DRC7: variants seen among roughly 807,000 people sequenced by gnomAD.
DRC7 encodes dynein regulatory complex subunit 7.
A neutral mutation model predicts 104.4 loss-of-function variants in DRC7; 80 were observed. The ratio of observed to expected loss-of-function variants is 0.77; its 90% confidence interval spans 0.64 to 0.92. The LOEUF (loss-of-function observed/expected upper bound fraction) is 0.92. DRC7 is among the 40% of genes least tolerant of loss of function. The pLI is 0.00. For synonymous variants in DRC7, 405 were observed against 447.3 expected (o/e 0.91, Z 1.19); for missense variants, 1,034 against 1,141.1 (o/e 0.91, Z 1.35).
At chr16:57,705,066 A>C (rs766397703) in intron 7 of DRC7, 32 bp downstream of exon 7, 8 of 1,603,148 alleles carry the variant, frequency 5.0e-6, no homozygotes, top group Non-Finnish European at 6.0e-6. Context: ...CCCTGGGCTC[A>C]GCTATCGAGA....
intron 13 of DRC7, 132 bp from the exon 14 acceptor site, chr16:57,725,936 T>C (rs2048957141): frequency 4.1e-6 from 3 of 732,468 alleles, no homozygotes; most frequent in African/African-American, 1.7e-5. Flanking sequence ...GAGGGGCTAT[T>C]CCACGTGAAT....
Position 57,728,499 on chromosome 16 carries a change from C to T in DRC7, c.2306C>T (p.Ala769Val), listed in dbSNP as rs373693140. The T allele has an allele frequency of 1.7e-4, 266 of 1,612,100 alleles. 1 individual carries two copies. Among genetic ancestry groups the T allele is most frequent in the South Asian group, 1.1e-3 (100 of 90,940 alleles). Reference protein sequence around the residue: ...PPGEKLTCWQAVRLKDECLSD... With the variant: ...PPGEKLTCWQVVRLKDECLSD... ...GGAGAGAAACTAACATGCTGGCAGG[C>T]GGTGCGCCTCAAGGATGAGTGCCTC... is the stretch of plus-strand genomic sequence containing the variant. Residue 769 changes from alanine to valine, a missense_variant, in exon 17 of 19, where the codon GCG becomes GTG. Physicochemically the swap from Ala to Val is moderately conservative, Grantham distance 64 (BLOSUM62 0). Coordinates refer to ENST00000360716, the MANE Select transcript of DRC7 (RefSeq NM_001289162.2).
chr16:57,723,214 G>A, intron 12 of DRC7, 84 bp downstream of exon 12: 2 of 1,507,986 alleles, frequency 1.3e-6, no homozygotes. Flanking sequence ...TGTGGTGGCA[G>A]GAACCAGCAT....
chr16:57,720,309 C>T (rs2048889411), intron 9 of DRC7, among the ~76,000 whole-genome samples: 1 of 152,218 alleles, frequency 6.6e-6, no homozygotes, highest in Non-Finnish European at 1.5e-5. Flanking sequence ...TCTGTTCTAC[C>T]TCCTGGGGCT....
In DRC7 at chr16:57,727,338, G is replaced by A. The variant is rs749102777; in HGVS notation, c.2125G>A (p.Ala709Thr). 6.2e-6 allele frequency: 10 copies of A among 1,613,452 alleles called. No homozygotes were observed. Among genetic ancestry groups the A allele is most frequent in the Non-Finnish European group, 8.5e-6 (10 of 1,179,910 alleles). Residue 709 changes from alanine (A) to threonine (T), a missense_variant, in exon 16 of 19, where the codon GCG becomes ACG. By Grantham distance (58) the Ala-to-Thr change is moderately conservative (BLOSUM62 0). Coordinates refer to ENST00000360716, the MANE Select transcript of DRC7 (RefSeq NM_001289162.2). Reference protein sequence around the residue: ...ILKLREEEEAAHTLTISIYDT... With the variant: ...ILKLREEEEATHTLTISIYDT... ...GAAGCTTCGAGAGGAAGAGGAGGCG[G>A]CGCACACACTGACCATCTCCATCTA...
Position 57,704,798 on chromosome 16 carries a change from C to T in DRC7, c.700-78C>T, listed in dbSNP as rs7193560. The T allele has an allele frequency of 1.9e-3, 2,957 of 1,528,188 alleles. 44 individuals are homozygous for T. In the African/African-American group the frequency reaches 0.035, roughly 18 times the overall value. The allele number at this position is 1,528,188 out of a possible 1,614,324, so 94.7% of individuals were successfully genotyped here. On this transcript the variant is annotated intron_variant, in intron 6 of 18. Transcript: ENST00000360716. ...CCCCCGGTCTGAGGGACTGGCTGGGCGGGTCTCACCTCTTGGAGTTGCACA... is the reference window on the plus strand; with the variant it reads ...CCCCCGGTCTGAGGGACTGGCTGGGTGGGTCTCACCTCTTGGAGTTGCACA...
intron 7 of DRC7, among the ~76,000 whole-genome samples, chr16:57,706,329 T>C (rs1336778115): frequency 7.6e-6 from 1 of 132,156 alleles, no homozygotes; most frequent in East Asian, 2.5e-4. Context: ...CCATCCTTCC[T>C]TCCATTTCTC....
At chr16:57,709,548 A>C (rs1232386479) in intron 8 of DRC7, among the ~76,000 whole-genome samples, 2 of 152,092 alleles carry the variant, frequency 1.3e-5, no homozygotes, top group African/African-American at 4.8e-5. Context: ...AATCAAACAA[A>C]ATTTGTTTAT....
chr16:57,717,062 GT>G (rs61608400), intron 8 of DRC7, among the ~76,000 whole-genome samples: 6,474 of 151,774 alleles, frequency 0.043, 373 homozygotes, highest in East Asian at 0.23. Flanking sequence ...GGAGACTGAG[GT>G]AGGAGAATCA....
chr16:57,698,873 A>G lies in DRC7; in HGVS notation c.227A>G (p.Asp76Gly). ...AGGGCCTTTACCAAGGACACTATTG[A>G]CATCTCCAAGCTGCCCATTTCCTAC... ...ELPAFTKDTI[D>G]ISKLPISYKT... Residue 76 changes from aspartate (D) to glycine (G), a missense_variant, in exon 4 of 19, where the codon GAC (aspartate) becomes GGC (glycine). Coordinates refer to ENST00000360716, the MANE Select transcript of DRC7 (RefSeq NM_001289162.2). The G allele has an allele frequency of 6.2e-7, 1 of 1,614,016 alleles. No individual in the cohort carries two copies. Among genetic ancestry groups the G allele is most frequent in the Non-Finnish European group, 8.5e-7 (1 of 1,179,964 alleles).
At position 57,728,483 on chromosome 16, in the gene DRC7, C is replaced by CT. The variant is rs1567889800; in HGVS notation, c.2291dup (p.Thr765AsnfsTer11). The CT allele has an allele frequency of 1.9e-6, 3 of 1,612,514 alleles. No homozygotes were observed. Among genetic ancestry groups the CT allele is most frequent in the Non-Finnish European group, 2.5e-6 (3 of 1,179,862 alleles). ...GGCCCAGCTCCCGCCAGGAGAGAAA[C>CT]TAACATGCTGGCAGGCGGTGCGCCT... is the stretch of plus-strand genomic sequence containing the variant. On this transcript the variant is annotated frameshift_variant, in exon 17 of 19. Transcript: ENST00000360716. LOFTEE classifies it high-confidence loss of function.
rs1017330987 is a variant in DRC7 at position 57,702,666 on chromosome 16, T to C, written c.699+536T>C. Among the ~76,000 whole-genome samples the C allele has an allele frequency of 7.2e-5, 11 of 152,014 alleles. No individual in the cohort carries two copies. In the South Asian group the frequency reaches 1.7e-3, roughly 23 times the overall value. On this transcript the variant is annotated intron_variant, in intron 6 of 18. Coordinates refer to ENST00000360716, the MANE Select transcript of DRC7 (RefSeq NM_001289162.2). ...ATACAAAAAAATTAGCCACGCATGGTGGCATGTGCCTGTAGTCCCAGTTAC... is the reference window on the plus strand; with the variant it reads ...ATACAAAAAAATTAGCCACGCATGGCGGCATGTGCCTGTAGTCCCAGTTAC...
intron 8 of DRC7, among the ~76,000 whole-genome samples, chr16:57,709,141 A>AC (rs2048765740): frequency 6.6e-6 from 1 of 151,908 alleles, no homozygotes; most frequent in Admixed American, 6.6e-5. Context: ...AAAAAAAAAA[A>AC]AAAAGCAATT....
In DRC7 at chr16:57,724,695, A is replaced by G. The variant is rs373910242; in HGVS notation, c.1618A>G (p.Lys540Glu). ...YETARVDGLMKREETPRTMTE... is the reference protein window; with the variant it reads ...YETARVDGLMEREETPRTMTE... ...AACGGCCCGTGTGGATGGCCTGATG[A>G]AGCGGGAGGAGACACCCAGGACAAT... The change falls in exon 13 of 19, where the codon AAG becomes GAG. Residue 540 changes from lysine (K) to glutamate (E), a missense_variant. Coordinates refer to ENST00000360716, the MANE Select transcript of DRC7 (RefSeq NM_001289162.2). The G allele has an allele frequency of 1.5e-5, 24 of 1,613,790 alleles. No homozygotes were observed. The highest frequency in any genetic ancestry group is 2.0e-5 in the Non-Finnish European group (24 of 1,180,004).
chr16:57,706,234 A>ATTT, intron 7 of DRC7, among the ~76,000 whole-genome samples: 1 of 36,652 alleles, frequency 2.7e-5, no homozygotes, highest in East Asian at 1.0e-3. Context: ...CCATCCTCCC[A>ATTT]CCCACCCTCC....
At chr16:57,714,905 T>C in intron 8 of DRC7, 1 of 327,700 alleles carries the variant, frequency 3.1e-6, no homozygotes. Flanking sequence ...AGCTTGTTTT[T>C]CCCAAAGCAT....
rs1329497199 is a variant in DRC7, at chr16:57,727,460, T to A, written c.2196+51T>A. ...CCCAGCTTTTCCTAGACCCCCCTGG[T>A]CTCCAGGGTGGTGGGGACCATGAGG... On this transcript the variant is annotated intron_variant, in intron 16 of 18. Transcript: ENST00000360716. 6 of 1,375,086 alleles carry A rather than the reference T, an allele frequency of 4.4e-6. No individual in the cohort carries two copies. In the Admixed American group the frequency reaches 6.7e-5, roughly 15 times the overall value. The allele number at this position is 1,375,086 out of a possible 1,614,324, so 85.2% of individuals were successfully genotyped here.
rs111989282 is a variant in DRC7, at chr16:57,723,333, A to G, written c.1537+203A>G. Among the ~76,000 whole-genome samples, 4,325 of 152,296 alleles carry G rather than the reference A, an allele frequency of 0.028. 181 individuals carry two copies. The highest frequency in any genetic ancestry group is 0.088 in the African/African-American group (3,657 of 41,538). On this transcript the variant is annotated intron_variant, in intron 12 of 18. Transcript: ENST00000360716. ...GAAAGCTCAGAAATTCTAAGGAAAT[A>G]TAACAAATGCTCCTCCAGGAAAGCT...
chr16:57,704,867 G>T lies in DRC7; in HGVS notation c.700-9G>T. 2 of 1,613,002 alleles carry T rather than the reference G, an allele frequency of 1.2e-6. No homozygotes were observed. The highest frequency in any genetic ancestry group is 1.7e-6 in the Non-Finnish European group (2 of 1,179,526). On this transcript the variant is annotated splice_polypyrimidine_tract_variant and intron_variant, in intron 6 of 18. Coordinates refer to ENST00000360716, the MANE Select transcript of DRC7 (RefSeq NM_001289162.2). ...GGCCACTGACCCTTCCTCTTCTTTTGGGTGACAGACCATCAAGAAGGAGGA... is the reference window on the plus strand; with the variant it reads ...GGCCACTGACCCTTCCTCTTCTTTTTGGTGACAGACCATCAAGAAGGAGGA...
Sources: allele counts gnomAD v4.1 joint callset (sites outside exome capture counted in the v4.1 genomes callset), GRCh38; gene constraint gnomAD v4.1.1; transcripts MANE v1.5; gene names NCBI Gene and HGNC (gene_info 2026-07-23, HGNC 2026-07-21).